MAST1: variants seen among roughly 807,000 people sequenced by gnomAD.
The protein encoded by MAST1 is microtubule associated serine/threonine kinase 1.
Under a neutral mutation model 124.6 loss-of-function variants are expected in MAST1, and 40 were observed. The ratio of observed to expected loss-of-function variants is 0.32; its 90% CI spans 0.25 to 0.42. The LOEUF is 0.42. MAST1 is among the 10% of genes least tolerant of loss of function. The pLI is 1.00. For missense variants in MAST1, 1,558 were observed against 2,181.9 expected, an observed-to-expected ratio of 0.71 and a Z score of 5.70; for synonymous variants, 938 against 939.4, an observed-to-expected ratio of 1.00 and a Z score of 0.03.
At chr19:12,840,617 C>A in intron 2 of MAST1, 83 bp downstream of exon 2, 1 of 1,013,560 alleles carries the variant, frequency 9.9e-7, no homozygotes, top group Non-Finnish European at 1.5e-6. Context: ...GGTCATGCTA[C>A]AGAAGGGGCG....
At chr19:12,848,216 T>G (rs969845608) in intron 7 of MAST1, 159 bp downstream of exon 7, 24 of 638,530 alleles carry the variant, frequency 3.8e-5, no homozygotes, top group African/African-American at 5.5e-5. Context: ...GTCCCTTCCC[T>G]AGGTCTGACC....
At chr19:12,853,859 G>T (rs1180884619) in intron 10 of MAST1, among the ~76,000 whole-genome samples, 1 of 138,830 alleles carries the variant, frequency 7.2e-6, no homozygotes, top group Admixed American at 7.7e-5. Flanking sequence ...AACAGAGCGA[G>T]ACTCTGTCTC....
chr19:12,858,882 T>G, intron 12 of MAST1, 143 bp downstream of exon 12: 1 of 757,234 alleles, frequency 1.3e-6, no homozygotes, highest in African/African-American at 1.7e-5. Flanking sequence ...AGTCATTGAT[T>G]TGTCCATCCA....
Position 12,865,029 on chromosome 19 carries a change from C to T in MAST1, c.1506-17C>T, listed in dbSNP as rs775003043. On this transcript the variant is annotated splice_polypyrimidine_tract_variant and intron_variant, in intron 13 of 25. Coordinates refer to ENST00000251472, the MANE Select transcript of MAST1 (RefSeq NM_014975.3). The surrounding 1 kb of genome is among the most constrained non-coding windows in gnomAD (Gnocchi z 7.1). ...ATGGACGGGCCTCATCCCTGAGATC[C>T]CCACCTGTGCCTACAGCCTCCTTAT... 2.5e-6 allele frequency: 4 copies of T among 1,613,758 alleles called. No homozygotes were observed. Among genetic ancestry groups the T allele is most frequent in the Middle Eastern group, 3.3e-4 (2 of 6,060 alleles).
At chr19:12,868,887 C>T (rs1388006530) in intron 21 of MAST1, 38 bp downstream of exon 21, 1 of 1,555,322 alleles carries the variant, frequency 6.4e-7, no homozygotes, top group Non-Finnish European at 8.7e-7. Context: ...AGGGGCTGCC[C>T]CCCATTTGAG....
rs762581041 is a variant in MAST1, at chr19:12,874,540, G to C, written c.4383G>C (p.Gln1461His). Residue 1461 changes from glutamine to histidine, a missense_variant, in exon 26 of 26, where the codon CAG becomes CAC. Gln to His is a conservative substitution (Grantham distance 24). Transcript: ENST00000251472. The surrounding 1 kb of genome is among the most constrained non-coding windows in gnomAD (Gnocchi z 6.6). Reference sequence around the variant, plus strand: ...TGGGCGCGGACTCCAAGGGGTTGCAGGAACCCGCACCCCTGGCGCCTTCCG... The same window carrying C: ...TGGGCGCGGACTCCAAGGGGTTGCACGAACCCGCACCCCTGGCGCCTTCCG... Reference protein sequence around the residue: ...QPLGADSKGLQEPAPLAPSVP... With the variant: ...QPLGADSKGLHEPAPLAPSVP... 6.6e-7 allele frequency: 1 copy of C among 1,519,760 alleles called. No homozygotes were observed. The highest frequency in any genetic ancestry group is 1.4e-5 in the African/African-American group (1 of 72,496). The allele number at this position is 1,519,760 out of a possible 1,614,324, so 94.1% of individuals were successfully genotyped here. A position where few individuals can be genotyped will look rare whatever the true frequency, so the allele number is the denominator to read the frequency against.
intron 4 of MAST1, among the ~76,000 whole-genome samples, chr19:12,846,218 T>C (rs1969893173): frequency 6.6e-6 from 1 of 151,834 alleles, no homozygotes; most frequent in Admixed American, 6.6e-5. Flanking sequence ...TTTTTAACTT[T>C]AAATAATTTT....
rs1969792544 is a variant in MAST1 at position 12,838,868 on chromosome 19, G to A, written c.83+213G>A. On this transcript the variant is annotated intron_variant, in intron 1 of 25. Coordinates refer to ENST00000251472, the MANE Select transcript of MAST1 (RefSeq NM_014975.3). The surrounding 1 kb of genome is among the most constrained non-coding windows in gnomAD (Gnocchi z 4.3). ...ACGCTGGAGAGGACGGCCGCGGGGG[G>A]AGGGGGCTGCGCCACTGGGGGTTTG... Among the ~76,000 whole-genome samples, 1 of 151,710 alleles carries A rather than the reference G, an allele frequency of 6.6e-6. No homozygotes were observed. The highest frequency in any genetic ancestry group is 2.1e-4 in the South Asian group (1 of 4,808).
At chr19:12,839,982 A>T (rs1969806170) in intron 1 of MAST1, among the ~76,000 whole-genome samples, 2 of 152,234 alleles carry the variant, frequency 1.3e-5, no homozygotes, top group African/African-American at 4.8e-5. Flanking sequence ...GGCATTTCAC[A>T]CTGTGTCACA....
chr19:12,856,171 A>G (rs1163751962), intron 10 of MAST1, among the ~76,000 whole-genome samples: 1 of 152,082 alleles, frequency 6.6e-6, no homozygotes, highest in Admixed American at 6.6e-5. Flanking sequence ...TATCTATGTA[A>G]TAAATCTCTT....
In MAST1 at chr19:12,874,198, C is replaced by T; in HGVS notation, c.4041C>T (p.Pro1347=). 3.9e-6 allele frequency: 6 copies of T among 1,543,226 alleles called. No homozygotes were observed. Among genetic ancestry groups the T allele is most frequent in the Non-Finnish European group, 5.2e-6 (6 of 1,147,204 alleles). ...PLSLGADPLL[P]EGASRPPVSS... ...GCCTGGGCGCGGACCCGTTGCTGCC[C>T]GAGGGTGCCTCCAGGCCACCAGTGT... Residue 1347 remains proline (P), a synonymous_variant, in exon 26 of 26, where the codon CCC becomes CCT. Coordinates refer to ENST00000251472, the MANE Select transcript of MAST1 (RefSeq NM_014975.3). The surrounding 1 kb of genome is among the most constrained non-coding windows in gnomAD (Gnocchi z 6.6).
rs773176050 is a variant in MAST1, at chr19:12,868,707, G to A, written c.2631G>A (p.Arg877=). The A allele has an allele frequency of 6.8e-6, 11 of 1,613,044 alleles. No individual in the cohort carries two copies. The highest frequency in any genetic ancestry group is 9.3e-6 in the Non-Finnish European group (11 of 1,179,374). The part of the protein sequence containing the change: ...PSKDGDASGP[R]ATNDLVLRRA... ...AGGATGGGGATGCATCAGGCCCAAG[G>A]GCTACCAATGACTTGGTTCTGCGCC... is the stretch of plus-strand genomic sequence containing the variant. The change falls in exon 21 of 26, where the codon AGG becomes AGA. Residue 877 remains arginine, a synonymous_variant. Transcript: ENST00000251472.
In MAST1 at chr19:12,865,631, C is replaced by T; in HGVS notation, c.1805-86C>T. On this transcript the variant is annotated intron_variant, in intron 15 of 25. Transcript: ENST00000251472. The surrounding 1 kb of genome is among the most constrained non-coding windows in gnomAD (Gnocchi z 7.1). ...GCAGTGAGCCATGATCGTGCCACTGCACTCCAGCTGGGTGACACAGTGAGA... is the reference window on the plus strand; with the variant it reads ...GCAGTGAGCCATGATCGTGCCACTGTACTCCAGCTGGGTGACACAGTGAGA... 2.8e-6 allele frequency: 4 copies of T among 1,441,066 alleles called. No individual in the cohort carries two copies. Among genetic ancestry groups the T allele is most frequent in the Non-Finnish European group, 3.8e-6 (4 of 1,045,650 alleles). The allele number at this position is 1,441,066 out of a possible 1,614,324, so 89.3% of individuals were successfully genotyped here. A position where few individuals can be genotyped will look rare whatever the true frequency, so the allele number is the denominator to read the frequency against.
At chr19:12,859,327 G>T (rs1182288328) in intron 12 of MAST1, among the ~76,000 whole-genome samples, 1 of 152,080 alleles carries the variant, frequency 6.6e-6, no homozygotes, top group East Asian at 1.9e-4. Flanking sequence ...TGATCTGCCT[G>T]CCTGGGCCTC....
In MAST1 at chr19:12,874,559, C is replaced by T. The variant is rs1296488774; in HGVS notation, c.4402C>T (p.Pro1468Ser). The T allele has an allele frequency of 6.6e-7, 1 of 1,508,860 alleles. No homozygotes were observed. Among genetic ancestry groups the T allele is most frequent in the African/African-American group, 1.4e-5 (1 of 71,966 alleles). 93.5% of individuals were successfully genotyped at this position (1,508,860 alleles called of 1,614,324 possible). ...GTTGCAGGAACCCGCACCCCTGGCG[C>T]CTTCCGTGCCCGAGGCCCCCCGGGG... is the stretch of plus-strand genomic sequence containing the variant. Reference protein sequence around the residue: ...KGLQEPAPLAPSVPEAPRGRE... With the variant: ...KGLQEPAPLASSVPEAPRGRE... Residue 1468 changes from proline (P) to serine (S), a missense_variant, in exon 26 of 26, where the codon CCT becomes TCT. Coordinates refer to ENST00000251472, the MANE Select transcript of MAST1 (RefSeq NM_014975.3). This position sits in a 1 kb window ranked among gnomAD's most constrained non-coding sequence, Gnocchi z 6.6.
At chr19:12,848,447 G>A (rs1374371352) in intron 7 of MAST1, 2 of 198,814 alleles carry the variant, frequency 1.0e-5, no homozygotes, top group Non-Finnish European at 2.1e-5. Context: ...GTGACACCCC[G>A]TCTCTACTAA....
rs1005624317 is a variant in MAST1, at chr19:12,874,601, T to G, written c.4444T>G (p.Leu1482Val). 2.0e-6 allele frequency: 3 copies of G among 1,512,172 alleles called. No individual in the cohort carries two copies. Among genetic ancestry groups the G allele is most frequent in the Middle Eastern group, 1.8e-4 (1 of 5,558 alleles). The allele number at this position is 1,512,172 out of a possible 1,614,324, so 93.7% of individuals were successfully genotyped here. Residue 1482 changes from leucine (L) to valine (V), a missense_variant, in exon 26 of 26, where the codon TTG becomes GTG. By Grantham distance (32) the Leu-to-Val change is conservative. Coordinates refer to ENST00000251472, the MANE Select transcript of MAST1 (RefSeq NM_014975.3). The surrounding 1 kb of genome is among the most constrained non-coding windows in gnomAD (Gnocchi z 6.6). ...EAPRGRERWV[L>V]EVVEERTTLS... The stretch of plus-strand genomic sequence containing the variant: ...CCCCCGGGGCCGGGAGCGCTGGGTG[T>G]TGGAGGTGGTGGAGGAGCGCACCAC...
At chr19:12,868,935 C>T (rs1970198585) in intron 21 of MAST1, 86 bp downstream of exon 21, 1 of 1,541,064 alleles carries the variant, frequency 6.5e-7, no homozygotes, top group African/African-American at 1.4e-5. Flanking sequence ...TTTTCCCTGT[C>T]CACCGTGATT....
At chr19:12,860,612 T>C (rs926318843) in intron 12 of MAST1, among the ~76,000 whole-genome samples, 2 of 151,614 alleles carry the variant, frequency 1.3e-5, no homozygotes, top group Middle Eastern at 3.4e-3. Context: ...ACCTGGCTAA[T>C]TTTTTGTATT....
Sources: allele counts gnomAD v4.1 joint callset (sites outside exome capture counted in the v4.1 genomes callset), GRCh38; gene constraint gnomAD v4.1.1; non-coding constraint Gnocchi (gnomAD v3.1); transcripts MANE v1.5; gene names NCBI Gene and HGNC (gene_info 2026-07-23, HGNC 2026-07-21).